ERBB4: variants seen among roughly 807,000 people sequenced by gnomAD.
ERBB4 encodes receptor tyrosine-protein kinase erbB-4.
ERBB4 carries 42 observed loss-of-function variants against 158.0 expected under a neutral mutation model. The observed-to-expected ratio is 0.27, with a 90% CI of 0.21 to 0.34. The LOEUF (loss-of-function observed/expected upper bound fraction) is 0.34. Among genes scored for constraint, ERBB4 ranks in the 10% least tolerant of loss-of-function variants. The probability of loss-of-function intolerance (pLI) is 1.00; values close to 1 mark genes in which losing one functional copy is unlikely to be tolerated. For missense variants in ERBB4, 1,333 were observed against 1,624.1 expected, an observed-to-expected ratio of 0.82 and a Z score of 3.08; for synonymous variants, 583 against 558.7, an observed-to-expected ratio of 1.04 and a Z score of -0.61.
intron 1 of ERBB4, among the ~76,000 whole-genome samples, chr2:212,505,565 A>G (rs1388577102): frequency 6.7e-6 from 1 of 149,142 alleles, no homozygotes; most frequent in Non-Finnish European, 1.5e-5. Context: ...CTTGCTGGCT[A>G]TGCCAAAAAG....
intron 17 of ERBB4, 131 bp from the exon 18 acceptor site, chr2:211,624,175 A>G (rs1215715648): frequency 9.7e-7 from 1 of 1,026,718 alleles, no homozygotes; most frequent in African/African-American, 1.6e-5. Context: ...TTGCCTTGAC[A>G]ACCAATACCT....
At chr2:212,484,897 G>A (rs751312978) in intron 1 of ERBB4, among the ~76,000 whole-genome samples, 16 of 152,206 alleles carry the variant, frequency 1.1e-4, no homozygotes, top group South Asian at 2.1e-4. Context: ...TTTTCCCAGG[G>A]CTCCTTCCAC....
rs781436663 is a variant in ERBB4 at position 211,386,889 on chromosome 2, C to T, written c.3445G>A (p.Gly1149Ser). ...TTGTCTCGCATAGGAGTCATGTAAC[C>T]TTCCTCATCCAGCTCTCCTCGTGGG... The part of the protein sequence containing the change: ...RSPRGELDEE[G>S]YMTPMRDKPK... Residue 1149 changes from glycine (G) to serine (S), a missense_variant, in exon 27 of 28, where the codon GGT (glycine) becomes AGT (serine). By Grantham distance (56) the Gly-to-Ser change is moderately conservative. Coordinates refer to ENST00000342788, the MANE Select transcript of ERBB4 (RefSeq NM_005235.3). 1.9e-6 allele frequency: 3 copies of T among 1,614,066 alleles called. No homozygotes were observed. In the African/African-American group the frequency reaches 4.0e-5, roughly 22 times the overall value.
chr2:212,017,828 A>C (rs2076562378), intron 2 of ERBB4, among the ~76,000 whole-genome samples: 1 of 152,162 alleles, frequency 6.6e-6, no homozygotes, highest in South Asian at 2.1e-4. Flanking sequence ...ATTACTACTA[A>C]TCTCTAATGA....
chr2:211,846,007 A>G (rs2106015834), intron 3 of ERBB4, among the ~76,000 whole-genome samples: 1 of 152,206 alleles, frequency 6.6e-6, no homozygotes, highest in South Asian at 2.1e-4. Context: ...TCCAACAAAT[A>G]AGCATAACTG....
chr2:212,466,158 A>G (rs1688823669), intron 1 of ERBB4, among the ~76,000 whole-genome samples: 1 of 152,216 alleles, frequency 6.6e-6, no homozygotes, highest in African/African-American at 2.4e-5. Context: ...TATAATTCCA[A>G]CAGTAGTGAC....
At chr2:212,191,740 T>C (rs889608261) in intron 1 of ERBB4, among the ~76,000 whole-genome samples, 2 of 146,508 alleles carry the variant, frequency 1.4e-5, no homozygotes, top group African/African-American at 2.5e-5. Flanking sequence ...GTTATACATG[T>C]TACATATAAC....
chr2:211,836,566 C>G (rs1478998520), intron 3 of ERBB4, among the ~76,000 whole-genome samples: 1 of 152,014 alleles, frequency 6.6e-6, no homozygotes, highest in East Asian at 1.9e-4. Context: ...AGAAGGAAAG[C>G]AGGTGTTCAG....
intron 2 of ERBB4, among the ~76,000 whole-genome samples, chr2:212,052,948 A>T (rs2077442882): frequency 6.6e-6 from 1 of 152,206 alleles, no homozygotes; most frequent in South Asian, 2.1e-4. Context: ...TTGTTGTCTC[A>T]GTGATTGGCT....
intron 25 of ERBB4, among the ~76,000 whole-genome samples, chr2:211,414,175 A>T (rs533182843): frequency 6.6e-6 from 1 of 152,244 alleles, no homozygotes; most frequent in Admixed American, 6.5e-5. Flanking sequence ...AATGTTTTTG[A>T]TCATTTTCTG....
intron 4 of ERBB4, among the ~76,000 whole-genome samples, chr2:211,784,440 T>G (rs2076108827): frequency 6.6e-6 from 1 of 152,256 alleles, no homozygotes. Flanking sequence ...CTCCTTCCTT[T>G]TTCAAGCTGG....
intron 2 of ERBB4, among the ~76,000 whole-genome samples, chr2:212,062,399 CTTTTTTTTTTTTTTTTTTTTTT>C (rs199535512): frequency 3.7e-5 from 3 of 81,302 alleles, no homozygotes; most frequent in Non-Finnish European, 4.9e-5. Context: ...CTTGTCAATT[CTTTTTTTTTTTTTTTTTTTTTT>C]TTTTTTTTTT....
intron 22 of ERBB4, among the ~76,000 whole-genome samples, chr2:211,425,752 G>A (rs2063613494): frequency 6.6e-6 from 1 of 152,108 alleles, no homozygotes; most frequent in Non-Finnish European, 1.5e-5. Flanking sequence ...CATGATCACA[G>A]CTCACTGCAC....
intron 3 of ERBB4, among the ~76,000 whole-genome samples, chr2:211,934,761 C>G (rs1211348671): frequency 6.6e-6 from 1 of 151,792 alleles, no homozygotes; most frequent in Admixed American, 6.6e-5. Context: ...TGTTATTATA[C>G]TTTATTATTT....
At position 211,967,307 on chromosome 2, in the gene ERBB4, T is replaced by A. The variant is rs369877290; in HGVS notation, c.235-19691A>T. Among the ~76,000 whole-genome samples the A allele has an allele frequency of 3.9e-4, 59 of 152,196 alleles. 1 individual carries two copies. The South Asian group carries it at 0.012, about 31-fold the overall frequency. On this transcript the variant is annotated intron_variant, in intron 2 of 27. Coordinates refer to ENST00000342788, the MANE Select transcript of ERBB4 (RefSeq NM_005235.3). ...ATCTCTCTAAAACCTTGATATGTAATAGGGAACTGCAATTAGTATTTAAGA... is the reference window on the plus strand; with the variant it reads ...ATCTCTCTAAAACCTTGATATGTAAAAGGGAACTGCAATTAGTATTTAAGA...
intron 1 of ERBB4, among the ~76,000 whole-genome samples, chr2:212,518,265 C>A (rs547002636): frequency 2.0e-5 from 3 of 152,038 alleles, no homozygotes; most frequent in Admixed American, 1.3e-4. Context: ...AGAAAAATAA[C>A]CTTAGAAAAC....
At chr2:212,335,758 G>T (rs1560049336) in intron 1 of ERBB4, among the ~76,000 whole-genome samples, 1 of 151,922 alleles carries the variant, frequency 6.6e-6, no homozygotes, top group Non-Finnish European at 1.5e-5. Flanking sequence ...CGAGTGGAAG[G>T]AAGAACAAAG....
rs569702362 is a variant in ERBB4, at chr2:211,386,967, T to C, written c.3367A>G (p.Ser1123Gly). 1.7e-5 allele frequency: 28 copies of C among 1,614,170 alleles called. No homozygotes were observed. In the South Asian group the frequency reaches 3.1e-4, roughly 18 times the overall value. Reference sequence around the variant, plus strand: ...TCAGCACTGTACCTCTGGGTGCTACTGTCCTCTTGGACATGGGGTGCCACT... The same window carrying C: ...TCAGCACTGTACCTCTGGGTGCTACCGTCCTCTTGGACATGGGGTGCCACT... ...KPVAPHVQED[S>G]STQRYSADPT... The change falls in exon 27 of 28, where the codon AGT (serine) becomes GGT (glycine). Residue 1123 changes from serine to glycine, a missense_variant. Coordinates refer to ENST00000342788, the MANE Select transcript of ERBB4 (RefSeq NM_005235.3).
At chr2:211,684,726 G>T (rs1313222568) in intron 12 of ERBB4, among the ~76,000 whole-genome samples, 2 of 152,140 alleles carry the variant, frequency 1.3e-5, no homozygotes, top group African/African-American at 4.8e-5. Context: ...ATGCCAGCTG[G>T]TCTGAAGGAC....
Sources: gnomAD v4.1 joint callset for allele counts (sites outside exome capture counted in the v4.1 genomes callset) on GRCh38, gnomAD v4.1.1 for gene constraint, MANE v1.5 for transcripts, NCBI Gene and HGNC (gene_info 2026-07-23, HGNC 2026-07-21) for gene names.